MMS19: variants seen among roughly 807,000 people sequenced by gnomAD.
MMS19 encodes MMS19 cytosolic iron-sulfur assembly component, also known as MMS19 nucleotide excision repair protein homolog.
A neutral mutation model predicts 129.8 loss-of-function variants in MMS19; 77 were observed. That is an observed-to-expected ratio of 0.59 (90% CI 0.49 to 0.72). MMS19 has a LOEUF of 0.72. MMS19 is among the 30% of genes least tolerant of loss of function. MMS19 has a pLI of 0.00. For missense variants in MMS19, 1,168 were observed against 1,266.3 expected (o/e 0.92, Z 1.18); for synonymous variants, 491 against 502.8 (o/e 0.98, Z 0.31).
chr10:97,470,505 TG>T (rs1398911295), intron 9 of MMS19, among the ~76,000 whole-genome samples: 2 of 152,186 alleles, frequency 1.3e-5, no homozygotes, highest in Non-Finnish European at 2.9e-5. Flanking sequence ...AGGCTGGATT[TG>T]AACTCCTGGG....
chr10:97,481,992 T>G (rs756233852), intron 2 of MMS19, among the ~76,000 whole-genome samples: 1 of 152,070 alleles, frequency 6.6e-6, no homozygotes, highest in Non-Finnish European at 1.5e-5. Context: ...CTGGGCAACA[T>G]AGTGGGACCC....
chr10:97,492,660 C>A (rs1187459409), intron 1 of MMS19, among the ~76,000 whole-genome samples: 1 of 150,160 alleles, frequency 6.7e-6, no homozygotes, highest in Admixed American at 6.6e-5. Flanking sequence ...ACCAGCCTGG[C>A]CAACATGATG....
rs764606344 is a variant in MMS19 at position 97,482,737 on chromosome 10, T to TACACAC, written c.161+1360_161+1365dup. The stretch of plus-strand genomic sequence containing the variant: ...GTGTGTGTGTGTGTGTGTATATATA[T>TACACAC]ACACACACACACACACACACACACA... On this transcript the variant is annotated intron_variant, in intron 2 of 30. Transcript: ENST00000438925. 1.4e-3 allele frequency among the ~76,000 whole-genome samples: 140 copies of TACACAC among 98,440 alleles called. 1 individual carries two copies. The highest frequency in any genetic ancestry group is 4.0e-3 in the African/African-American group (107 of 27,032). 64.6% of individuals were successfully genotyped at this position (98,440 alleles called of 152,430 possible). A position where few individuals can be genotyped will look rare whatever the true frequency, so the allele number is the denominator to read the frequency against.
intron 1 of MMS19, among the ~76,000 whole-genome samples, chr10:97,496,987 T>C (rs772901324): frequency 4.6e-4 from 70 of 152,232 alleles, no homozygotes; most frequent in Admixed American, 7.2e-4. Flanking sequence ...TTCGAAAATT[T>C]TCATAATAAA....
chr10:97,496,061 G>A (rs1190171135), intron 1 of MMS19, among the ~76,000 whole-genome samples: 1 of 152,198 alleles, frequency 6.6e-6, no homozygotes, highest in East Asian at 1.9e-4. Flanking sequence ...CATTACAGGC[G>A]TGAGCCACTG....
In MMS19 at chr10:97,467,515, A is replaced by AT; in HGVS notation, c.1286dup (p.Tyr429Ter). The change falls in exon 14 of 31, where the codon TAT becomes TAAT. Residue 429 changes from tyrosine to a stop codon, truncating the protein, a stop_gained and frameshift_variant. Transcript: ENST00000438925. LOFTEE classifies it high-confidence loss of function. Reference sequence around the variant, plus strand: ...GGAAGGCAACCTCACCTTTGTCTTCATAGCTCCATTTCTGCTGCAGCTTCA... The same window carrying AT: ...GGAAGGCAACCTCACCTTTGTCTTCATTAGCTCCATTTCTGCTGCAGCTTCA... ...GFLKLQQKWS[Y>*]EDKDQRPLNG... The AT allele has an allele frequency of 6.2e-7, 1 of 1,613,766 alleles. No individual in the cohort carries two copies. The highest frequency in any genetic ancestry group is 1.3e-5 in the African/African-American group (1 of 75,052).
chr10:97,490,374 C>G (rs553029895), intron 1 of MMS19, among the ~76,000 whole-genome samples: 58 of 152,274 alleles, frequency 3.8e-4, no homozygotes, highest in Admixed American at 5.9e-4. Flanking sequence ...GCCACTGCAC[C>G]TGGCCTTTAA....
Position 97,480,872 on chromosome 10 carries a change from T to C in MMS19, c.262+70A>G. 3 of 1,044,590 alleles carry C rather than the reference T, an allele frequency of 2.9e-6. No homozygotes were observed. In the South Asian group the frequency reaches 4.0e-5, roughly 14 times the overall value. 64.7% of individuals were successfully genotyped at this position (1,044,590 alleles called of 1,614,324 possible). On this transcript the variant is annotated intron_variant, in intron 3 of 30. Coordinates refer to ENST00000438925, the MANE Select transcript of MMS19 (RefSeq NM_022362.5). ...AGCCCTCCCTCCCTGCCTGTAAAGT[T>C]GGCTTGAATAGACATGGGAGACCTG...
At chr10:97,465,674 T>G in intron 18 of MMS19, 131 bp downstream of exon 18, 2 of 872,450 alleles carry the variant, frequency 2.3e-6, no homozygotes, top group Non-Finnish European at 3.5e-6. Flanking sequence ...GACGCAGGCA[T>G]CAGTATTTTT....
Position 97,476,880 on chromosome 10 carries a change from C to A in MMS19, c.577G>T (p.Ala193Ser). The part of the protein sequence containing the change: ...GEKDPRNLLV[A>S]FRIVHDLISR... ...ATGAGGTCATGGACGATGCGGAAGG[C>A]CACCAGAAGATTACGGGGATCCTTT... Residue 193 changes from alanine (A) to serine (S), a missense_variant, in exon 7 of 31, where the codon GCC becomes TCC. Coordinates refer to ENST00000438925, the MANE Select transcript of MMS19 (RefSeq NM_022362.5). 1 of 1,613,978 alleles carries A rather than the reference C, an allele frequency of 6.2e-7. No homozygotes were observed. The highest frequency in any genetic ancestry group is 8.5e-7 in the Non-Finnish European group (1 of 1,179,884).
chr10:97,491,199 TAAC>T (rs1033318161), intron 1 of MMS19, among the ~76,000 whole-genome samples: 6 of 152,240 alleles, frequency 3.9e-5, no homozygotes, highest in Admixed American at 2.6e-4. Flanking sequence ...CATAGGGGAC[TAAC>T]AACTGTTAAT....
chr10:97,459,823 TGA>T, intron 26 of MMS19, 82 bp from the exon 27 acceptor site: 2 of 1,197,466 alleles, frequency 1.7e-6, no homozygotes, highest in Middle Eastern at 3.8e-4. Context: ...GTGGTGAGGC[TGA>T]GACATCAGCC....
Position 97,459,674 on chromosome 10 carries a change from C to G in MMS19, c.2724G>C (p.Leu908Phe). ...VLNRLPKPVLLPELPTLLSLL... is the reference protein window; with the variant it reads ...VLNRLPKPVLFPELPTLLSLL... The stretch of plus-strand genomic sequence containing the variant: ...TGGGACTTACCGTGGGCAGCTCTGG[C>G]AAGAGTACAGGCTTGGGCAGCCTGT... The change falls in exon 27 of 31, where the codon TTG (leucine) becomes TTC (phenylalanine). Residue 908 changes from leucine to phenylalanine, a missense_variant. By Grantham distance (22) the Leu-to-Phe change is conservative. Coordinates refer to ENST00000438925, the MANE Select transcript of MMS19 (RefSeq NM_022362.5). 1.2e-6 allele frequency: 2 copies of G among 1,612,216 alleles called. No homozygotes were observed. The highest frequency in any genetic ancestry group is 1.1e-5 in the South Asian group (1 of 90,578).
rs778713707 is a variant in MMS19, at chr10:97,459,268, G to A, written c.2919C>T (p.Ala973=). The change falls in exon 29 of 31, where the codon GCC becomes GCT. Residue 973 remains alanine, a synonymous_variant. Coordinates refer to ENST00000438925, the MANE Select transcript of MMS19 (RefSeq NM_022362.5). ...TGAGAGCATGCATGCACTGCAGTGC[G>A]GCGATCCGGACAGCCTGGAACACAA... ...SSSPSMAVRI[A]ALQCMHALTR... The A allele has an allele frequency of 1.1e-5, 18 of 1,613,050 alleles. No homozygotes were observed. The highest frequency in any genetic ancestry group is 1.7e-4 in the Middle Eastern group (1 of 5,946).
chr10:97,477,490 CA>C, intron 5 of MMS19, 74 bp from the exon 6 acceptor site: 1 of 1,600,426 alleles, frequency 6.2e-7, no homozygotes, highest in Non-Finnish European at 8.6e-7. Context: ...GTTCCTGCTT[CA>C]TAATCTCTAA....
chr10:97,466,297 C>A, intron 16 of MMS19, 138 bp from the exon 17 acceptor site: 1 of 781,646 alleles, frequency 1.3e-6, no homozygotes, highest in South Asian at 1.6e-5. Flanking sequence ...ACCTACACCA[C>A]TGAGTTGGAC....
At chr10:97,467,158 T>C (rs1304423040) in intron 14 of MMS19, among the ~76,000 whole-genome samples, 3 of 152,160 alleles carry the variant, frequency 2.0e-5, no homozygotes, top group Non-Finnish European at 4.4e-5. Flanking sequence ...TTTGTATTTT[T>C]AGTAGAGACA....
intron 3 of MMS19, chr10:97,480,177 C>G (rs1395872055): frequency 2.4e-6 from 1 of 412,740 alleles, no homozygotes; most frequent in African/African-American, 2.1e-5. Flanking sequence ...CATGCCTAGT[C>G]AAACCAATCC....
intron 18 of MMS19, 82 bp from the exon 19 acceptor site, chr10:97,464,095 CAAA>C: frequency 7.6e-7 from 1 of 1,317,722 alleles, no homozygotes; most frequent in Non-Finnish European, 1.1e-6. Flanking sequence ...ATGAGAGGAA[CAAA>C]GAAGAGTGAC....
Sources: allele counts gnomAD v4.1 joint callset (sites outside exome capture counted in the v4.1 genomes callset), GRCh38; gene constraint gnomAD v4.1.1; transcripts MANE v1.5; gene names NCBI Gene and HGNC (gene_info 2026-07-23, HGNC 2026-07-21).